BASP1: variants seen among roughly 807,000 people sequenced by gnomAD.
The protein encoded by BASP1 is brain abundant membrane attached signal protein 1.
A neutral mutation model predicts 2.2 loss-of-function variants in BASP1; 1 was observed. The observed-to-expected ratio is 0.46, with a 90% CI of 0.16 to 2.17. BASP1 has a LOEUF of 2.17. Among genes scored for constraint, BASP1 ranks in the 30% most tolerant of loss-of-function variants. The pLI is 0.27. For missense variants in BASP1, 352 were observed against 327.2 expected, an observed-to-expected ratio of 1.08 and a Z score of -0.58; for synonymous variants, 187 against 154.2, an observed-to-expected ratio of 1.21 and a Z score of -1.58.
At chr5:17,220,786 T>C (rs886585086) in intron 1 of BASP1, among the ~76,000 whole-genome samples, 6 of 152,340 alleles carry the variant, frequency 3.9e-5, no homozygotes, top group East Asian at 1.9e-4. Context: ...CTGGATCTTA[T>C]GGTGCAAGAG....
upstream of BASP1, chr5:17,217,071 T>TGTGTGAGAGAGAGAGAGAGAGAGAGAGA (rs1367601986): frequency 1.3e-4 from 13 of 102,048 alleles, no homozygotes; most frequent in African/African-American, 4.3e-4. Context: ...AGAGAGAGAG[T>TGTGTGAGAGAGAGAGAGAGAGAGAGAGA]GAGAGAGAGA....
rs571683464 is a variant in BASP1, at chr5:17,275,593, C to G, written c.377C>G (p.Ala126Gly). ...GGEAPKAAEA[A>G]AAPAESAAPA... ...GAGGCCCCCAAAGCTGCTGAGGCCG[C>G]CGCGGCCCCGGCCGAGAGCGCGGCC... is the stretch of plus-strand genomic sequence containing the variant. Residue 126 changes from alanine to glycine, a missense_variant, in exon 2 of 2, where the codon GCC becomes GGC. Physicochemically the swap from Ala to Gly is moderately conservative, Grantham distance 60. Transcript: ENST00000322611. This position sits in a 1 kb window ranked among gnomAD's most constrained non-coding sequence, Gnocchi z 5.3. The G allele has an allele frequency of 7.1e-7, 1 of 1,410,310 alleles. No individual in the cohort carries two copies. Among genetic ancestry groups the G allele is most frequent in the East Asian group, 3.0e-5 (1 of 33,680 alleles). 87.4% of individuals were successfully genotyped at this position (1,410,310 alleles called of 1,614,324 possible).
chr5:17,263,231 T>C (rs1331165575), intron 1 of BASP1, among the ~76,000 whole-genome samples: 1 of 152,162 alleles, frequency 6.6e-6, no homozygotes, highest in African/African-American at 2.4e-5. Context: ...CAAATTATAT[T>C]GTGACAGAGT....
At chr5:17,237,406 G>A (rs1311735656) in intron 1 of BASP1, among the ~76,000 whole-genome samples, 1 of 152,120 alleles carries the variant, frequency 6.6e-6, no homozygotes, top group Non-Finnish European at 1.5e-5. Context: ...AGGACCCAAA[G>A]AACTCTCACT....
Position 17,275,950 on chromosome 5 carries a change from T to TC in BASP1, c.*51dup. The TC allele has an allele frequency of 6.4e-6, 7 of 1,092,046 alleles. No homozygotes were observed. The highest frequency in any genetic ancestry group is 8.4e-6 in the Non-Finnish European group (7 of 835,960). The allele number at this position is 1,092,046 out of a possible 1,614,324, so 67.6% of individuals were successfully genotyped here. On this transcript the variant is annotated 3_prime_UTR_variant, in exon 2 of 2. Coordinates refer to ENST00000322611, the MANE Select transcript of BASP1 (RefSeq NM_006317.5). This position sits in a 1 kb window ranked among gnomAD's most constrained non-coding sequence, Gnocchi z 5.3. ...ATACCACTTAAAACAATCTCCTCTCTCTCTCTCTCTCTCTCTCTCTATCTC... is the reference window on the plus strand; with the variant it reads ...ATACCACTTAAAACAATCTCCTCTCTCCTCTCTCTCTCTCTCTCTCTATCTC...
At chr5:17,241,373 T>C (rs1414827228) in intron 1 of BASP1, among the ~76,000 whole-genome samples, 2 of 152,190 alleles carry the variant, frequency 1.3e-5, no homozygotes, top group African/African-American at 4.8e-5. Flanking sequence ...GTGTTGTGAT[T>C]ACAGGAGTGA....
intron 1 of BASP1, among the ~76,000 whole-genome samples, chr5:17,219,059 T>C (rs529016552): frequency 9.9e-5 from 15 of 152,004 alleles, no homozygotes; most frequent in African/African-American, 3.6e-4. Flanking sequence ...AACCCAACAC[T>C]AGCGTCGAAA....
intron 1 of BASP1, among the ~76,000 whole-genome samples, chr5:17,219,260 C>T (rs1454454072): frequency 6.6e-6 from 1 of 152,202 alleles, no homozygotes; most frequent in Non-Finnish European, 1.5e-5. Context: ...CCCATCCCAT[C>T]TCCATCATCC....
chr5:17,232,710 ATT>A (rs528777244), intron 1 of BASP1, among the ~76,000 whole-genome samples: 105 of 151,778 alleles, frequency 6.9e-4, no homozygotes, highest in African/African-American at 2.5e-3. Flanking sequence ...ATCACCGTGG[ATT>A]TTTCTTTTTC....
chr5:17,275,965 C>CTCTATCTCTATCTCTCTCTCTCTCTA lies in BASP1; in HGVS notation c.*68_*69insATCTCTATCTCTCTCTCTCTCTATCT. The stretch of plus-strand genomic sequence containing the variant: ...ATCTCCTCTCTCTCTCTCTCTCTCT[C>CTCTATCTCTATCTCTCTCTCTCTCTA]TCTCTATCTCTCTCTCTATCTCCTC... On this transcript the variant is annotated 3_prime_UTR_variant, in exon 2 of 2. Coordinates refer to ENST00000322611, the MANE Select transcript of BASP1 (RefSeq NM_006317.5). The surrounding 1 kb of genome is among the most constrained non-coding windows in gnomAD (Gnocchi z 5.3). 1.6e-6 allele frequency: 2 copies of CTCTATCTCTATCTCTCTCTCTCTCTA among 1,236,478 alleles called. No homozygotes were observed. The highest frequency in any genetic ancestry group is 1.7e-5 in the South Asian group (1 of 60,444). 76.6% of individuals were successfully genotyped at this position (1,236,478 alleles called of 1,614,324 possible).
At chr5:17,227,146 G>T (rs1221775903) in intron 1 of BASP1, among the ~76,000 whole-genome samples, 1 of 151,634 alleles carries the variant, frequency 6.6e-6, no homozygotes, top group African/African-American at 2.4e-5. Context: ...GGTCAGGCTG[G>T]TCTTGAACTC....
At position 17,251,647 on chromosome 5, in the gene BASP1, G is replaced by T. The variant is rs1024533119; in HGVS notation, c.-9-23561G>T. 3.9e-5 allele frequency among the ~76,000 whole-genome samples: 6 copies of T among 152,168 alleles called. No individual in the cohort carries two copies. The highest frequency in any genetic ancestry group is 1.4e-4 in the African/African-American group (6 of 41,434). Reference sequence around the variant, plus strand: ...TTCTAGCACCTAGCAGTGGAGTTATGAACATATTTTAGTGGAACATATTTA... The same window carrying T: ...TTCTAGCACCTAGCAGTGGAGTTATTAACATATTTTAGTGGAACATATTTA... On this transcript the variant is annotated intron_variant, in intron 1 of 1. Coordinates refer to ENST00000322611, the MANE Select transcript of BASP1 (RefSeq NM_006317.5). This position sits in a 1 kb window ranked among gnomAD's most constrained non-coding sequence, Gnocchi z 4.0.
At chr5:17,248,828 A>G (rs1382283520) in intron 1 of BASP1, among the ~76,000 whole-genome samples, 1 of 152,226 alleles carries the variant, frequency 6.6e-6, no homozygotes, top group Non-Finnish European at 1.5e-5. Flanking sequence ...TAATTTAAAA[A>G]GCACGTTTAC....
In BASP1 at chr5:17,253,987, G is replaced by C. The variant is rs72738649; in HGVS notation, c.-9-21221G>C. On this transcript the variant is annotated intron_variant, in intron 1 of 1. Coordinates refer to ENST00000322611, the MANE Select transcript of BASP1 (RefSeq NM_006317.5). ...CTATTTTGGAAAAGCATTATAAGTA[G>C]AACTTGCATGTTGATAGCTTTAGGA... 5.5e-3 allele frequency among the ~76,000 whole-genome samples: 835 copies of C among 152,042 alleles called. 7 individuals are homozygous for C. Among genetic ancestry groups the C allele is most frequent in the Non-Finnish European group, 9.2e-3 (629 of 68,006 alleles).
At chr5:17,234,769 A>G (rs1408076116) in intron 1 of BASP1, among the ~76,000 whole-genome samples, 1 of 152,252 alleles carries the variant, frequency 6.6e-6, no homozygotes, top group Non-Finnish European at 1.5e-5. Context: ...GTAGAGATAT[A>G]AACAGCAGAT....
chr5:17,224,512 A>G (rs770908223), intron 1 of BASP1, among the ~76,000 whole-genome samples: 19 of 152,150 alleles, frequency 1.2e-4, no homozygotes, highest in Non-Finnish European at 2.2e-4. Context: ...TCACATATTG[A>G]CATCTTCAGT....
At chr5:17,227,736 C>T (rs932378087) in intron 1 of BASP1, among the ~76,000 whole-genome samples, 5 of 152,138 alleles carry the variant, frequency 3.3e-5, no homozygotes, top group African/African-American at 7.2e-5. Flanking sequence ...GAAAGAATCT[C>T]GATTAACAAT....
intron 1 of BASP1, among the ~76,000 whole-genome samples, chr5:17,243,358 T>C (rs1417073219): frequency 6.6e-6 from 1 of 152,164 alleles, no homozygotes; most frequent in African/African-American, 2.4e-5. Flanking sequence ...TTCGCCACGT[T>C]GGCCAGGCTA....
chr5:17,246,753 A>G (rs140320167), intron 1 of BASP1, among the ~76,000 whole-genome samples: 1 of 152,338 alleles, frequency 6.6e-6, no homozygotes, highest in Non-Finnish European at 1.5e-5. Flanking sequence ...CCATTTTCCC[A>G]ATTTGCTTTA....
Sources: allele counts gnomAD v4.1 joint callset (sites outside exome capture counted in the v4.1 genomes callset), GRCh38; gene constraint gnomAD v4.1.1; non-coding constraint Gnocchi (gnomAD v3.1); transcripts MANE v1.5; gene names NCBI Gene and HGNC (gene_info 2026-07-23, HGNC 2026-07-21).